TNFSF4: variants seen among roughly 807,000 people sequenced by gnomAD.
TNFSF4 encodes the protein tumor necrosis factor ligand superfamily member 4.
A neutral mutation model predicts 7.3 loss-of-function variants in TNFSF4; 4 were observed. The ratio of observed to expected loss-of-function variants is 0.55; its 90% CI spans 0.27 to 1.25. The LOEUF (loss-of-function observed/expected upper bound fraction) is 1.25. Among genes scored for constraint, TNFSF4 ranks in the 50% most tolerant of loss-of-function variants. The pLI, the probability that TNFSF4 is intolerant of heterozygous loss-of-function variation, is 0.12. For synonymous variants in TNFSF4, 76 were observed against 83.7 expected, an observed-to-expected ratio of 0.91 and a Z score of 0.50; for missense variants, 181 against 208.8, an observed-to-expected ratio of 0.87 and a Z score of 0.82.
the TNFSF4 span, among the ~76,000 whole-genome samples, chr1:173,217,547 C>T: frequency 6.6e-6 from 1 of 152,156 alleles, no homozygotes; most frequent in East Asian, 1.9e-4. Flanking sequence ...TTAGTTATCA[C>T]TATTGTAGCT....
the TNFSF4 span, among the ~76,000 whole-genome samples, chr1:173,388,505 C>G: frequency 6.6e-6 from 1 of 152,184 alleles, no homozygotes; most frequent in Non-Finnish European, 1.5e-5. Flanking sequence ...CATAATAAGG[C>G]TAAGATGCTA....
At chr1:173,437,863 A>G in the TNFSF4 span, among the ~76,000 whole-genome samples, 6 of 152,088 alleles carry the variant, frequency 3.9e-5, no homozygotes, top group Non-Finnish European at 8.8e-5. Flanking sequence ...TAGTTTTCTT[A>G]TTCTTCCATC....
upstream of TNFSF4, chr1:173,207,384 C>T (rs1650242777): frequency 2.4e-6 from 1 of 419,784 alleles, no homozygotes; most frequent in Non-Finnish European, 4.2e-6. Context: ...TGCAGGCAGG[C>T]GGGGGAACTT....
chr1:173,244,261 T>C, the TNFSF4 span, among the ~76,000 whole-genome samples: 1 of 152,122 alleles, frequency 6.6e-6, no homozygotes, highest in Non-Finnish European at 1.5e-5. Context: ...ATGGTAGAAA[T>C]GAGGGAAGTG....
chr1:173,263,456 A>G, the TNFSF4 span, among the ~76,000 whole-genome samples: 1 of 152,148 alleles, frequency 6.6e-6, no homozygotes, highest in African/African-American at 2.4e-5. Context: ...TCTACAAATT[A>G]TTTTTAATAT....
chr1:173,265,627 C>T, the TNFSF4 span, among the ~76,000 whole-genome samples: 1 of 152,148 alleles, frequency 6.6e-6, no homozygotes, highest in South Asian at 2.1e-4. Flanking sequence ...CCCATATTTT[C>T]TTCTTCCTAC....
At chr1:173,313,203 T>C in the TNFSF4 span, among the ~76,000 whole-genome samples, 2 of 152,144 alleles carry the variant, frequency 1.3e-5, no homozygotes, top group Non-Finnish European at 2.9e-5. Flanking sequence ...TATCAAGTCA[T>C]TGCCCATTAT....
At chr1:173,429,700 A>G in the TNFSF4 span, among the ~76,000 whole-genome samples, 2 of 152,186 alleles carry the variant, frequency 1.3e-5, no homozygotes, top group African/African-American at 4.8e-5. Flanking sequence ...TTGAGAAGGG[A>G]GAGAGGAAGT....
In TNFSF4 at chr1:173,185,712, C is replaced by T. The variant is rs941142967; in HGVS notation, c.*804G>A. On this transcript the variant is annotated 3_prime_UTR_variant, in exon 3 of 3. Transcript: ENST00000281834. ...CCTGAGATGTCCAGTTCCCTGCTAT[C>T]CTGTACAGTAAAGCTAACCCTTCAC... 1 of 152,156 alleles carries T rather than the reference C, an allele frequency of 6.6e-6. No individual in the cohort carries two copies. The highest frequency in any genetic ancestry group is 2.4e-5 in the African/African-American group (1 of 41,420). The allele number at this position is 152,156 out of a possible 1,614,324, so 9.4% of individuals were successfully genotyped here. A position where few individuals can be genotyped will look rare whatever the true frequency, so the allele number is the denominator to read the frequency against.
rs1557886817 is a variant in TNFSF4, at chr1:173,204,924, A to AAACACAC, written c.153+2099_153+2100insGTGTGTT. ...AGAAACACACACACACACACACACA[A>AAACACAC]ACACACACACACACACACTGCTGCT... On this transcript the variant is annotated intron_variant, in intron 1 of 2. Transcript: ENST00000281834. Among the ~76,000 whole-genome samples the AAACACAC allele has an allele frequency of 2.3e-3, 309 of 131,712 alleles. 4 individuals are homozygous for AAACACAC. Among genetic ancestry groups the AAACACAC allele is most frequent in the African/African-American group, 7.5e-3 (296 of 39,216 alleles). 86.4% of individuals were successfully genotyped at this position (131,712 alleles called of 152,430 possible).
the TNFSF4 span, among the ~76,000 whole-genome samples, chr1:173,227,298 T>C: frequency 6.6e-6 from 1 of 152,208 alleles, no homozygotes; most frequent in African/African-American, 2.4e-5. Context: ...AATTAAGCAT[T>C]ATAATTATTG....
the TNFSF4 span, among the ~76,000 whole-genome samples, chr1:173,335,555 G>T: frequency 6.6e-6 from 1 of 152,156 alleles, no homozygotes; most frequent in Non-Finnish European, 1.5e-5. Flanking sequence ...CCCACCTAAG[G>T]CACCAGCTGT....
chr1:173,250,773 A>G, the TNFSF4 span, among the ~76,000 whole-genome samples: 1 of 152,122 alleles, frequency 6.6e-6, no homozygotes, highest in South Asian at 2.1e-4. Flanking sequence ...CAGTTTCTTA[A>G]CACAGATCTC....
At chr1:173,250,465 T>TG in the TNFSF4 span, among the ~76,000 whole-genome samples, 1 of 148,516 alleles carries the variant, frequency 6.7e-6, no homozygotes, top group African/African-American at 2.5e-5. Flanking sequence ...GTTTTTTTGT[T>TG]TTTTTTTTTT....
the TNFSF4 span, among the ~76,000 whole-genome samples, chr1:173,242,669 G>A: frequency 6.6e-6 from 1 of 152,122 alleles, no homozygotes; most frequent in African/African-American, 2.4e-5. Flanking sequence ...GACCTTTCCA[G>A]AAGTAGATGT....
At chr1:173,178,924 T>C (rs757281956), downstream of TNFSF4, among the ~76,000 whole-genome samples, 89 of 152,084 alleles carry the variant, frequency 5.9e-4, no homozygotes, top group Non-Finnish European at 9.7e-4. Context: ...AAGAAAGCAA[T>C]GTAACTATTG....
At chr1:173,378,551 C>T in the TNFSF4 span, among the ~76,000 whole-genome samples, 75 of 152,260 alleles carry the variant, frequency 4.9e-4, no homozygotes, top group Non-Finnish European at 8.8e-4. Flanking sequence ...TGCACTATGG[C>T]GTGGCCCCAA....
chr1:173,300,970 C>T, the TNFSF4 span, among the ~76,000 whole-genome samples: 18 of 151,786 alleles, frequency 1.2e-4, no homozygotes, highest in East Asian at 2.7e-3. Context: ...ACGTAATTTA[C>T]GTGAACGAAT....
the TNFSF4 span, among the ~76,000 whole-genome samples, chr1:173,355,164 T>C: frequency 1.3e-5 from 2 of 152,194 alleles, no homozygotes; most frequent in Non-Finnish European, 2.9e-5. Context: ...CACATAACTC[T>C]TTCTGACTCA....
Sources: allele counts gnomAD v4.1 joint callset (sites outside exome capture counted in the v4.1 genomes callset), GRCh38; gene constraint gnomAD v4.1.1; transcripts MANE v1.5; gene names NCBI Gene and HGNC (gene_info 2026-07-23, HGNC 2026-07-21).